ECI1: variants seen among roughly 807,000 people sequenced by gnomAD.
ECI1 encodes the protein enoyl-CoA delta isomerase 1, mitochondrial.
A neutral mutation model predicts 34.2 loss-of-function variants in ECI1; 34 were observed. The observed-to-expected ratio is 1.00, with a 90% confidence interval of 0.76 to 1.33. The LOEUF (loss-of-function observed/expected upper bound fraction) is 1.33, where lower values mean the gene tolerates loss of function less well. Ranked by LOEUF, ECI1 falls within the 40% of genes most tolerant of loss-of-function variation. The probability of loss-of-function intolerance (pLI) is 0.00; values close to 1 mark genes in which losing one functional copy is unlikely to be tolerated. For synonymous variants in ECI1, 211 were observed against 193.0 expected (o/e 1.09, Z -0.77); for missense variants, 456 against 422.2 (o/e 1.08, Z -0.70).
intron 6 of ECI1, chr16:2,242,733 C>T (rs1053169888): frequency 1.5e-5 from 7 of 454,204 alleles, no homozygotes; most frequent in Middle Eastern, 6.1e-4. Context: ...TAGAGCGAGG[C>T]GCCCACAAGC....
At chr16:2,241,537 T>TC (rs2093528185) in intron 6 of ECI1, 1 of 152,192 alleles carries the variant, frequency 6.6e-6, no homozygotes, top group Admixed American at 6.5e-5. Context: ...CCTCAGGTGA[T>TC]CCGCCCACCT....
Position 2,244,538 on chromosome 16 carries a change from G to T in ECI1, c.309C>A (p.Val103=). The change falls in exon 4 of 7, where the codon GTC becomes GTA. Residue 103 remains valine (V), a synonymous_variant. Transcript: ENST00000301729. ...CCGTCAGGTCCAGGCCGGCCGAGAA[G>T]ACACCCGGGCGGTCCTGCAGGGGGA... ...GVILTSDRPG[V]FSAGLDLTEM... The T allele has an allele frequency of 6.3e-7, 1 of 1,589,460 alleles. No homozygotes were observed. Among genetic ancestry groups the T allele is most frequent in the Non-Finnish European group, 8.6e-7 (1 of 1,168,608 alleles).
chr16:2,246,157 C>G (rs1555482249), intron 3 of ECI1, among the ~76,000 whole-genome samples: 1 of 152,204 alleles, frequency 6.6e-6, no homozygotes, highest in Non-Finnish European at 1.5e-5. Flanking sequence ...TGCTTACTGC[C>G]CCTCGGCGAT....
chr16:2,249,869 T>A (rs539949636), intron 2 of ECI1, among the ~76,000 whole-genome samples: 34 of 64,862 alleles, frequency 5.2e-4, no homozygotes, highest in African/African-American at 1.9e-3. Context: ...AGAGCAAGAC[T>A]CCGTCTCAAA....
At chr16:2,242,791 T>C (rs1001358369) in intron 6 of ECI1, 9 of 540,662 alleles carry the variant, frequency 1.7e-5, no homozygotes, top group African/African-American at 1.3e-4. Context: ...GGAAGGAGCC[T>C]CCCTGGAACG....
chr16:2,246,857 A>G lies in ECI1; in HGVS notation c.294+2T>C, dbSNP rs369232279. On this transcript the variant is annotated splice_donor_variant, in intron 3 of 6. Coordinates refer to ENST00000301729, the MANE Select transcript of ECI1 (RefSeq NM_001919.4). LOFTEE classifies it high-confidence loss of function. ...GGGGTAGGGAGCTGAACTAGCACCT[A>G]CCGAGGTCAGAATGACACCGCGGAA... 1 of 1,612,278 alleles carries G rather than the reference A, an allele frequency of 6.2e-7. No homozygotes were observed. The highest frequency in any genetic ancestry group is 1.3e-5 in the African/African-American group (1 of 74,878).
chr16:2,239,945 C>T lies in ECI1; in HGVS notation c.*34G>A, dbSNP rs763899958. 1 of 1,610,774 alleles carries T rather than the reference C, an allele frequency of 6.2e-7. No homozygotes were observed. The highest frequency in any genetic ancestry group is 8.5e-7 in the Non-Finnish European group (1 of 1,177,668). ...AAGACCTCCCTGGGACCCACAGGGG[C>T]ACGTGTGGCCGTAAGCCTGTGGCAG... On this transcript the variant is annotated 3_prime_UTR_variant, in exon 7 of 7. Transcript: ENST00000301729.
In ECI1 at chr16:2,243,227, G is replaced by C; in HGVS notation, c.564-3C>G. The stretch of plus-strand genomic sequence containing the variant: ...TGTTCTCCAGGGTGTCTTTCAACCT[G>C]GAAATGCAGACACCCACTCACCACA... On this transcript the variant is annotated splice_region_variant and splice_polypyrimidine_tract_variant and intron_variant, in intron 5 of 6. Coordinates refer to ENST00000301729, the MANE Select transcript of ECI1 (RefSeq NM_001919.4). The C allele has an allele frequency of 6.2e-7, 1 of 1,612,498 alleles. No individual in the cohort carries two copies. The highest frequency in any genetic ancestry group is 8.5e-7 in the Non-Finnish European group (1 of 1,179,974).
At chr16:2,241,556 C>CA in intron 6 of ECI1, 1 of 152,336 alleles carries the variant, frequency 6.6e-6, no homozygotes, top group Non-Finnish European at 1.5e-5. Flanking sequence ...CTTGGCCTCT[C>CA]AAAGTGCTGG....
intron 4 of ECI1, 121 bp from the exon 5 acceptor site, chr16:2,243,560 C>T: frequency 8.2e-7 from 1 of 1,226,648 alleles, no homozygotes; most frequent in Non-Finnish European, 1.2e-6. Flanking sequence ...CAGGGTTCAA[C>T]ACCCACAATG....
chr16:2,245,496 A>C (rs1265584774), intron 3 of ECI1, among the ~76,000 whole-genome samples: 2 of 152,242 alleles, frequency 1.3e-5, no homozygotes, highest in African/African-American at 4.8e-5. Flanking sequence ...CGCTGTTCCC[A>C]AACAGGTGTG....
At chr16:2,245,148 C>T (rs895767964) in intron 3 of ECI1, among the ~76,000 whole-genome samples, 10 of 152,112 alleles carry the variant, frequency 6.6e-5, no homozygotes, top group South Asian at 4.1e-4. Flanking sequence ...GAGGCGGGCT[C>T]GGGGAGGAGT....
chr16:2,245,021 TC>T (rs752743195), intron 3 of ECI1, among the ~76,000 whole-genome samples: 1 of 152,148 alleles, frequency 6.6e-6, no homozygotes, highest in Non-Finnish European at 1.5e-5. Context: ...TGTGGGTTTC[TC>T]AGCAGCTACC....
intron 6 of ECI1, chr16:2,240,562 C>T (rs1201963077): frequency 1.5e-5 from 4 of 262,734 alleles, no homozygotes; most frequent in African/African-American, 2.2e-5. Context: ...TATTCTCTGT[C>T]GCCCATACTG....
intron 6 of ECI1, chr16:2,242,832 T>C (rs958533067): frequency 1.8e-5 from 11 of 603,230 alleles, no homozygotes; most frequent in South Asian, 1.5e-4. Flanking sequence ...GCCCACACTT[T>C]GATTTTGCAC....
intron 2 of ECI1, among the ~76,000 whole-genome samples, chr16:2,247,589 G>C (rs2093543312): frequency 2.6e-5 from 4 of 151,728 alleles, no homozygotes; most frequent in Admixed American, 2.0e-4. Flanking sequence ...TAGGGACGGG[G>C]TTTTCTCCAT....
chr16:2,251,496 C>T lies in ECI1; in HGVS notation c.52+19G>A. On this transcript the variant is annotated intron_variant, in intron 1 of 6. Transcript: ENST00000301729. ...GGCCCCGGCCCCGGCCCGATCCCTGCCCACCCCGGGTTTCGCACCCGCGCG... is the reference window on the plus strand; with the variant it reads ...GGCCCCGGCCCCGGCCCGATCCCTGTCCACCCCGGGTTTCGCACCCGCGCG... 3 of 1,557,340 alleles carry T rather than the reference C, an allele frequency of 1.9e-6. No homozygotes were observed. The highest frequency in any genetic ancestry group is 2.6e-6 in the Non-Finnish European group (3 of 1,153,132).
At position 2,239,672 on chromosome 16, in the gene ECI1, C is replaced by G. The variant is rs553720770; in HGVS notation, c.*307G>C. On this transcript the variant is annotated 3_prime_UTR_variant, in exon 7 of 7. Transcript: ENST00000301729. ...AATGGATGACCAGGGACTTGACTTA[C>G]GATTCTGCCTTGGGAACAGAGACAC... 2.4e-6 allele frequency: 1 copy of G among 419,968 alleles called. No homozygotes were observed. Among genetic ancestry groups the G allele is most frequent in the Admixed American group, 3.5e-5 (1 of 28,290 alleles). The allele number at this position is 419,968 out of a possible 1,614,324, so 26.0% of individuals were successfully genotyped here. A position where few individuals can be genotyped will look rare whatever the true frequency, so the allele number is the denominator to read the frequency against.
rs974902251 is a variant in ECI1 at position 2,243,199 on chromosome 16, T to A, written c.589A>T (p.Ile197Phe). 3.1e-6 allele frequency: 5 copies of A among 1,611,050 alleles called. No individual in the cohort carries two copies. The African/African-American group carries it at 4.0e-5, about 13-fold the overall frequency. The change falls in exon 6 of 7, where the codon ATC becomes TTC. Residue 197 changes from isoleucine to phenylalanine, a missense_variant. Coordinates refer to ENST00000301729, the MANE Select transcript of ECI1 (RefSeq NM_001919.4). ...GCACGCTCCGCCGCCCGGTGCCCGA[T>A]GGTGTTCTCCAGGGTGTCTTTCAAC... ...FWLKDTLENT[I>F]GHRAAERALQ...
Sources: allele counts gnomAD v4.1 joint callset (sites outside exome capture counted in the v4.1 genomes callset), GRCh38; gene constraint gnomAD v4.1.1; transcripts MANE v1.5; gene names NCBI Gene and HGNC (gene_info 2026-07-23, HGNC 2026-07-21).